The following TMEM135 variants were observed in gnomAD, a reference collection of about 807,000 sequenced individuals.
TMEM135 encodes peroxisomal membrane protein 52.
Under a neutral mutation model 60.3 loss-of-function variants are expected in TMEM135, and 30 were observed. The observed-to-expected ratio is 0.50, with a 90% CI of 0.37 to 0.68. The LOEUF (loss-of-function observed/expected upper bound fraction) is 0.68. Among genes scored for constraint, TMEM135 ranks in the 30% least tolerant of loss-of-function variants. TMEM135 has a pLI of 0.00. For missense variants in TMEM135, 468 were observed against 548.8 expected (o/e 0.85, Z 1.47); for synonymous variants, 190 against 186.7 (o/e 1.02, Z -0.14).
rs941222855 is a variant in TMEM135, at chr11:87,194,963, A to G, written c.462+37557A>G. ...TGTTACTTAATGAATGCTTGTTTCT[A>G]ACTTTTTAAATTTTAAAACCATATC... is the stretch of plus-strand genomic sequence containing the variant. On this transcript the variant is annotated intron_variant, in intron 5 of 14. Coordinates refer to ENST00000305494, the MANE Select transcript of TMEM135 (RefSeq NM_022918.4). 5.9e-5 allele frequency among the ~76,000 whole-genome samples: 9 copies of G among 152,262 alleles called. No individual in the cohort carries two copies. In the East Asian group the frequency reaches 7.7e-4, roughly 13 times the overall value.
chr11:87,283,044 ATAG>A (rs1053904938), intron 6 of TMEM135, among the ~76,000 whole-genome samples: 6 of 152,092 alleles, frequency 3.9e-5, no homozygotes, highest in African/African-American at 1.2e-4. Context: ...TAATCAGAAA[ATAG>A]TAGCTTCTGG....
rs920439965 is a variant in TMEM135, at chr11:87,328,112, T to G, written c.*6779T>G. The G allele has an allele frequency of 2.2e-6, 1 of 453,966 alleles. No individual in the cohort carries two copies. Among genetic ancestry groups the G allele is most frequent in the African/African-American group, 2.0e-5 (1 of 50,010 alleles). The allele number at this position is 453,966 out of a possible 1,614,324, so 28.1% of individuals were successfully genotyped here. Reference sequence around the variant, plus strand: ...AATTAACCATCACAGGCTTTATGGCTCTATTACCCAAGAATTCTGTTACTT... The same window carrying G: ...AATTAACCATCACAGGCTTTATGGCGCTATTACCCAAGAATTCTGTTACTT... On this transcript the variant is annotated 3_prime_UTR_variant, in exon 15 of 15. Transcript: ENST00000305494.
chr11:87,322,195 C>T lies in TMEM135; in HGVS notation c.*862C>T, dbSNP rs554402703. The T allele has an allele frequency of 2.4e-5, 11 of 454,392 alleles. No individual in the cohort carries two copies. Among genetic ancestry groups the T allele is most frequent in the South Asian group, 1.6e-4 (10 of 64,460 alleles). 28.1% of individuals were successfully genotyped at this position (454,392 alleles called of 1,614,324 possible). ...TATATGGACATAATCCTTCATAGCT[C>T]AGTTTATATGCCATTGTTGTATTAG... On this transcript the variant is annotated 3_prime_UTR_variant, in exon 15 of 15. Transcript: ENST00000305494.
At chr11:87,314,969 T>C (rs1942703043) in intron 12 of TMEM135, among the ~76,000 whole-genome samples, 1 of 151,950 alleles carries the variant, frequency 6.6e-6, no homozygotes, top group Admixed American at 6.6e-5. Flanking sequence ...ACAGTATCAT[T>C]ATCATACATT....
intron 6 of TMEM135, among the ~76,000 whole-genome samples, chr11:87,273,234 C>T (rs12281665): frequency 0.016 from 2,448 of 152,232 alleles, 77 homozygotes; most frequent in African/African-American, 0.056. Context: ...GGACAAGACA[C>T]TTTGCTAAGC....
chr11:87,217,808 G>A (rs1035682989), intron 5 of TMEM135, among the ~76,000 whole-genome samples: 9 of 152,080 alleles, frequency 5.9e-5, no homozygotes, highest in African/African-American at 2.2e-4. Flanking sequence ...GAAGGTTGGG[G>A]TGGTGGGTTT....
intron 5 of TMEM135, among the ~76,000 whole-genome samples, chr11:87,212,029 AAAAC>A (rs1434243315): frequency 6.6e-6 from 1 of 152,206 alleles, no homozygotes; most frequent in Non-Finnish European, 1.5e-5. Flanking sequence ...TTTCATATGT[AAAAC>A]AAGTGTAATA....
chr11:87,182,140 C>A (rs1290733800), intron 5 of TMEM135, among the ~76,000 whole-genome samples: 1 of 151,942 alleles, frequency 6.6e-6, no homozygotes, highest in Non-Finnish European at 1.5e-5. Context: ...ATTGCCTTTT[C>A]ATGAAAACTT....
chr11:87,288,596 C>A (rs4944696), intron 6 of TMEM135, among the ~76,000 whole-genome samples: 77,893 of 151,912 alleles, frequency 0.51, 20,127 homozygotes, highest in Non-Finnish European at 0.53. Context: ...CTACCATTAA[C>A]TAAAATGATG....
At chr11:87,316,513 G>T (rs1038403100) in intron 12 of TMEM135, among the ~76,000 whole-genome samples, 1 of 152,040 alleles carries the variant, frequency 6.6e-6, no homozygotes, top group African/African-American at 2.4e-5. Context: ...CTATTTTAGA[G>T]GGAGGCAGGA....
At chr11:87,223,875 AC>A (rs1168845640) in intron 5 of TMEM135, among the ~76,000 whole-genome samples, 3 of 151,706 alleles carry the variant, frequency 2.0e-5, no homozygotes, top group African/African-American at 7.3e-5. Flanking sequence ...GAAAGAAAAA[AC>A]CCCCAAAACA....
chr11:87,146,761 A>G (rs1331618619), intron 4 of TMEM135, among the ~76,000 whole-genome samples: 2 of 152,130 alleles, frequency 1.3e-5, no homozygotes, highest in East Asian at 1.9e-4. Flanking sequence ...TAATACCTGC[A>G]TTGACCACTT....
At chr11:87,264,307 C>CTTTTTTTTTTTTTTTTT (rs145849024) in intron 6 of TMEM135, among the ~76,000 whole-genome samples, 2 of 146,634 alleles carry the variant, frequency 1.4e-5, no homozygotes, top group African/African-American at 2.5e-5. Context: ...TGTTCTTTTT[C>CTTTTTTTTTTTTTTTTT]TTTTCTTTTT....
intron 5 of TMEM135, among the ~76,000 whole-genome samples, chr11:87,202,730 TAAAAAAA>T (rs201573717): frequency 3.7e-5 from 5 of 134,416 alleles, no homozygotes; most frequent in African/African-American, 1.4e-4. Flanking sequence ...TAAAAGACTT[TAAAAAAA>T]AAAAAAAAAA....
chr11:87,233,761 T>G (rs1940937419), intron 5 of TMEM135, among the ~76,000 whole-genome samples: 1 of 152,060 alleles, frequency 6.6e-6, no homozygotes, highest in Admixed American at 6.6e-5. Context: ...ATTTGTTTAA[T>G]GAAGGAATGT....
chr11:87,270,635 A>G (rs949850056), intron 6 of TMEM135, among the ~76,000 whole-genome samples: 1 of 152,120 alleles, frequency 6.6e-6, no homozygotes, highest in East Asian at 1.9e-4. Context: ...ATGATTTGTC[A>G]TATTTACTTT....
chr11:87,212,640 C>T (rs1052008167), intron 5 of TMEM135, among the ~76,000 whole-genome samples: 12 of 151,508 alleles, frequency 7.9e-5, no homozygotes, highest in African/African-American at 2.7e-4. Context: ...TGGGCAACAC[C>T]GCAAAACCCT....
intron 4 of TMEM135, among the ~76,000 whole-genome samples, chr11:87,145,006 CTATTATCAA>C (rs1938374716): frequency 1.3e-5 from 2 of 152,138 alleles, no homozygotes; most frequent in South Asian, 4.1e-4. Flanking sequence ...GTGCTGTACT[CTATTATCAA>C]CTGTATTCAC....
intron 6 of TMEM135, among the ~76,000 whole-genome samples, chr11:87,239,416 G>A (rs1231596912): frequency 6.6e-6 from 1 of 151,966 alleles, no homozygotes; most frequent in African/African-American, 2.4e-5. Flanking sequence ...ATGCTAGCTT[G>A]TGTTGGGAAT....
Sources: allele counts gnomAD v4.1 joint callset (sites outside exome capture counted in the v4.1 genomes callset), GRCh38; gene constraint gnomAD v4.1.1; transcripts MANE v1.5; gene names NCBI Gene and HGNC (gene_info 2026-07-23, HGNC 2026-07-21).